CADM2: variants seen among roughly 807,000 people sequenced by gnomAD.
The protein encoded by CADM2 is immunoglobulin superfamily member 4D.
A neutral mutation model predicts 49.8 loss-of-function variants in CADM2; 12 were observed. The observed-to-expected ratio is 0.24, with a 90% CI of 0.15 to 0.39. CADM2 has a LOEUF of 0.39. CADM2 is among the 10% of genes least tolerant of loss of function. CADM2 has a pLI of 1.00. For missense variants in CADM2, 378 were observed against 492.3 expected, an observed-to-expected ratio of 0.77 and a Z score of 2.20; for synonymous variants, 214 against 175.4, an observed-to-expected ratio of 1.22 and a Z score of -1.74.
chr3:85,945,010 A>G (rs1022676221), intron 7 of CADM2, among the ~76,000 whole-genome samples: 3 of 152,162 alleles, frequency 2.0e-5, no homozygotes, highest in African/African-American at 4.8e-5. Flanking sequence ...CAAGAGATCA[A>G]CAAAATAAAT....
intron 1 of CADM2, among the ~76,000 whole-genome samples, chr3:85,053,652 T>C (rs2035968922): frequency 6.6e-6 from 1 of 151,934 alleles, no homozygotes; most frequent in African/African-American, 2.4e-5. Flanking sequence ...ATTCTACAAA[T>C]AGTGAATACC....
chr3:85,151,947 T>A (rs1451221049), intron 1 of CADM2, among the ~76,000 whole-genome samples: 1 of 152,208 alleles, frequency 6.6e-6, no homozygotes, highest in African/African-American at 2.4e-5. Flanking sequence ...AGCTTTTAGA[T>A]CATTGAATAT....
chr3:85,527,034 AC>A (rs1190779427), intron 1 of CADM2, among the ~76,000 whole-genome samples: 1 of 152,142 alleles, frequency 6.6e-6, no homozygotes, highest in African/African-American at 2.4e-5. Flanking sequence ...TGGACAAAAT[AC>A]CAGATTTTCA....
At chr3:85,192,386 C>T (rs80110965) in intron 1 of CADM2, among the ~76,000 whole-genome samples, 5,438 of 151,860 alleles carry the variant, frequency 0.036, 125 homozygotes, top group Middle Eastern at 0.058. Context: ...TATTCTAGAC[C>T]TTATTTTTAA....
chr3:85,424,294 G>A (rs1348376980), intron 1 of CADM2, among the ~76,000 whole-genome samples: 3 of 151,580 alleles, frequency 2.0e-5, no homozygotes, highest in Non-Finnish European at 4.4e-5. Flanking sequence ...TATAGAGATA[G>A]TAGATTTAAA....
intron 1 of CADM2, among the ~76,000 whole-genome samples, chr3:85,529,262 A>G (rs2061241376): frequency 2.0e-5 from 3 of 152,144 alleles, no homozygotes; most frequent in Admixed American, 6.5e-5. Flanking sequence ...GCACTTAGCG[A>G]TTGGGTCTTT....
Position 85,601,501 on chromosome 3 carries a change from G to A in CADM2, c.62-125021G>A, listed in dbSNP as rs956360740. Reference sequence around the variant, plus strand: ...ATATGAAAAATCTTTGTTTCATAGAGTGTTTTTGTTTTTGTCATTTAAATA... The same window carrying A: ...ATATGAAAAATCTTTGTTTCATAGAATGTTTTTGTTTTTGTCATTTAAATA... On this transcript the variant is annotated intron_variant, in intron 1 of 9. Transcript: ENST00000383699. Among the ~76,000 whole-genome samples the A allele has an allele frequency of 3.3e-5, 5 of 151,044 alleles. No individual in the cohort carries two copies. In the Admixed American group the frequency reaches 3.3e-4, roughly 10 times the overall value.
Position 85,569,708 on chromosome 3 carries a change from A to T in CADM2, c.62-156814A>T, listed in dbSNP as rs889128996. 1.4e-4 allele frequency among the ~76,000 whole-genome samples: 19 copies of T among 133,400 alleles called. 1 individual carries two copies. The highest frequency in any genetic ancestry group is 4.8e-4 in the African/African-American group (19 of 39,988). 87.5% of individuals were successfully genotyped at this position (133,400 alleles called of 152,430 possible). ...GAGGAACCTTTCTAATGGCAAAAAAAAAAAAAGAAAAAAAAAAGAAAATAG... is the reference window on the plus strand; with the variant it reads ...GAGGAACCTTTCTAATGGCAAAAAATAAAAAAGAAAAAAAAAAGAAAATAG... On this transcript the variant is annotated intron_variant, in intron 1 of 9. Coordinates refer to ENST00000383699, the MANE Select transcript of CADM2 (RefSeq NM_001167675.2).
At chr3:85,467,474 CT>C (rs1185496293) in intron 1 of CADM2, among the ~76,000 whole-genome samples, 2 of 152,066 alleles carry the variant, frequency 1.3e-5, no homozygotes, top group Non-Finnish European at 2.9e-5. Context: ...CACAAAGCTA[CT>C]CTGTAAATTG....
chr3:85,652,776 T>C (rs929698821), intron 1 of CADM2, among the ~76,000 whole-genome samples: 1 of 118,618 alleles, frequency 8.4e-6, no homozygotes, highest in Non-Finnish European at 1.8e-5. Context: ...TCTTTTCTTT[T>C]TTTTTTTTTT....
chr3:85,022,234 A>G (rs2034541261), intron 1 of CADM2, among the ~76,000 whole-genome samples: 1 of 152,176 alleles, frequency 6.6e-6, no homozygotes, highest in Admixed American at 6.5e-5. Context: ...GATTTCCCAT[A>G]TGCAAATGTT....
At chr3:85,918,189 TG>T (rs1249902948) in intron 6 of CADM2, among the ~76,000 whole-genome samples, 2 of 152,268 alleles carry the variant, frequency 1.3e-5, no homozygotes, top group Admixed American at 1.3e-4. Flanking sequence ...TCCAACACTA[TG>T]TTGAATAGGG....
intron 1 of CADM2, among the ~76,000 whole-genome samples, chr3:85,081,136 T>TAAGTG (rs1431581327): frequency 6.6e-6 from 1 of 152,166 alleles, no homozygotes. Flanking sequence ...TATAGTATAA[T>TAAGTG]AAGTGAAAAT....
At chr3:85,644,059 T>G (rs2064813453) in intron 1 of CADM2, among the ~76,000 whole-genome samples, 1 of 152,186 alleles carries the variant, frequency 6.6e-6, no homozygotes, top group Admixed American at 6.5e-5. Flanking sequence ...TGCATTACTC[T>G]GCTATGGTTA....
At chr3:85,022,724 AT>A (rs779957037) in intron 1 of CADM2, among the ~76,000 whole-genome samples, 15 of 152,184 alleles carry the variant, frequency 9.9e-5, no homozygotes, top group East Asian at 1.9e-4. Context: ...TGCAGAGGCC[AT>A]TTTTTATTCA....
chr3:85,145,665 T>C (rs534122210), intron 1 of CADM2, among the ~76,000 whole-genome samples: 2 of 152,248 alleles, frequency 1.3e-5, no homozygotes, highest in African/African-American at 4.8e-5. Flanking sequence ...ATCCCTGTCA[T>C]GCTCAATAAT....
At chr3:85,383,006 C>T (rs1034430292) in intron 1 of CADM2, among the ~76,000 whole-genome samples, 1 of 152,062 alleles carries the variant, frequency 6.6e-6, no homozygotes, top group African/African-American at 2.4e-5. Context: ...GAAAACCTAA[C>T]TTAGGAGTAC....
chr3:85,723,591 A>T (rs1387778102), intron 1 of CADM2, among the ~76,000 whole-genome samples: 2 of 152,120 alleles, frequency 1.3e-5, no homozygotes, highest in Non-Finnish European at 2.9e-5. Context: ...CGGCATACAG[A>T]AACAGGCATA....
At chr3:85,119,812 G>C (rs1460117949) in intron 1 of CADM2, among the ~76,000 whole-genome samples, 1 of 152,040 alleles carries the variant, frequency 6.6e-6, no homozygotes, top group Admixed American at 6.6e-5. Context: ...GTCTATTGTT[G>C]GTGTATATGA....
Sources: allele counts gnomAD v4.1 joint callset (sites outside exome capture counted in the v4.1 genomes callset), GRCh38; gene constraint gnomAD v4.1.1; transcripts MANE v1.5; gene names NCBI Gene and HGNC (gene_info 2026-07-23, HGNC 2026-07-21).